ANKRD12: variants seen among roughly 807,000 people sequenced by gnomAD.
ANKRD12 encodes ankyrin repeat domain-containing protein 12.
ANKRD12 carries 85 observed loss-of-function variants against 183.4 expected under a neutral mutation model. The ratio of observed to expected loss-of-function variants is 0.46; its 90% CI spans 0.39 to 0.56. The LOEUF (loss-of-function observed/expected upper bound fraction) is 0.56, where lower values mean the gene tolerates loss of function less well. Ranked by LOEUF, ANKRD12 falls within the 20% of genes least tolerant of loss-of-function variation. ANKRD12 has a pLI of 0.00. For synonymous variants in ANKRD12, 914 were observed against 800.2 expected (o/e 1.14, Z -2.40); for missense variants, 2,405 against 2,357.1 (o/e 1.02, Z -0.42).
At chr18:9,265,712 G>A (rs774119228) in intron 10 of ANKRD12, among the ~76,000 whole-genome samples, 96 of 152,146 alleles carry the variant, frequency 6.3e-4, no homozygotes, top group African/African-American at 2.2e-3. Flanking sequence ...AAATCAGAGC[G>A]CCTCTCCTCC....
chr18:9,222,014 A>C lies in ANKRD12; in HGVS notation c.943+15A>C, dbSNP rs939124713. The C allele has an allele frequency of 1.9e-6, 3 of 1,611,878 alleles. No individual in the cohort carries two copies. In the East Asian group the frequency reaches 6.7e-5, roughly 36 times the overall value. On this transcript the variant is annotated intron_variant, in intron 8 of 12. Transcript: ENST00000262126. Reference sequence around the variant, plus strand: ...AAGTTACACAGGTTTGTTTCAGATAATCTACATTCATCTGTTCGTTTGACA... The same window carrying C: ...AAGTTACACAGGTTTGTTTCAGATACTCTACATTCATCTGTTCGTTTGACA...
At chr18:9,205,371 C>T (rs1226015007) in intron 4 of ANKRD12, among the ~76,000 whole-genome samples, 1 of 151,652 alleles carries the variant, frequency 6.6e-6, no homozygotes, top group African/African-American at 2.4e-5. Flanking sequence ...CAGCATATGA[C>T]ATTTAGTTAT....
chr18:9,222,045 T>C (rs1167221398), intron 8 of ANKRD12, 46 bp downstream of exon 8: 8 of 1,598,306 alleles, frequency 5.0e-6, no homozygotes, highest in East Asian at 2.2e-5. Flanking sequence ...TGACATGATA[T>C]TTGATAGAAC....
chr18:9,195,756 G>A, intron 3 of ANKRD12, 58 bp downstream of exon 3: 1 of 1,539,928 alleles, frequency 6.5e-7, no homozygotes, highest in Admixed American at 1.8e-5. Flanking sequence ...TCTGATTTTT[G>A]TTTCTTGTAC....
Position 9,284,041 on chromosome 18 carries a change from TTATACTA to T in ANKRD12, c.*2919_*2925del, listed in dbSNP as rs1423114649. The stretch of plus-strand genomic sequence containing the variant: ...TTCCCAGTGCATATAAAAGTTTTGT[TTATACTA>T]TATTAAGTGTGCAATAGCATTATGT... On this transcript the variant is annotated 3_prime_UTR_variant, in exon 13 of 13. Coordinates refer to ENST00000262126, the MANE Select transcript of ANKRD12 (RefSeq NM_015208.5). The T allele has an allele frequency of 2.0e-5, 3 of 152,218 alleles. No homozygotes were observed. Among genetic ancestry groups the T allele is most frequent in the Non-Finnish European group, 1.5e-5 (1 of 68,032 alleles). The allele number at this position is 152,218 out of a possible 1,614,324, so 9.4% of individuals were successfully genotyped here.
At chr18:9,266,201 T>A (rs2039282342) in intron 10 of ANKRD12, among the ~76,000 whole-genome samples, 1 of 152,162 alleles carries the variant, frequency 6.6e-6, no homozygotes, top group African/African-American at 2.4e-5. Context: ...TGCAGGATAT[T>A]ATCCAGGAGA....
intron 8 of ANKRD12, among the ~76,000 whole-genome samples, chr18:9,252,934 G>A (rs1283751380): frequency 6.6e-6 from 1 of 152,132 alleles, no homozygotes; most frequent in Non-Finnish European, 1.5e-5. Context: ...CCTAAAAAAA[G>A]TGCATATGTG....
At position 9,221,988 on chromosome 18, in the gene ANKRD12, A is replaced by G. The variant is rs1465645468; in HGVS notation, c.932A>G (p.Glu311Gly). 6.2e-7 allele frequency: 1 copy of G among 1,613,866 alleles called. No individual in the cohort carries two copies. The highest frequency in any genetic ancestry group is 8.5e-7 in the Non-Finnish European group (1 of 1,179,826). The change falls in exon 8 of 13, where the codon GAA (glutamate) becomes GGA (glycine). Residue 311 changes from glutamate (E) to glycine (G), a missense_variant. Physicochemically the swap from Glu to Gly is moderately conservative, Grantham distance 98 (BLOSUM62 -2). Around this residue, in one of 7 missense-constraint regions of ANKRD12, gnomAD observed 1,983 missense variants for 1,725.9 expected, o/e 1.15. Coordinates refer to ENST00000262126, the MANE Select transcript of ANKRD12 (RefSeq NM_015208.5). Reference sequence around the variant, plus strand: ...GAGGTGCCTTTATCTGATGATGATGAAAGTTACACAGGTTTGTTTCAGATA... The same window carrying G: ...GAGGTGCCTTTATCTGATGATGATGGAAGTTACACAGGTTTGTTTCAGATA... ...KREVPLSDDD[E>G]SYTDSEEAQS...
chr18:9,250,265 T>TATAA (rs1339531737), intron 8 of ANKRD12: 1 of 152,326 alleles, frequency 6.6e-6, no homozygotes, highest in Admixed American at 6.5e-5. Flanking sequence ...GAGTTCTTTA[T>TATAA]CATTGTTGGA....
chr18:9,280,040 TA>T (rs1236466727), intron 12 of ANKRD12, among the ~76,000 whole-genome samples: 4 of 152,198 alleles, frequency 2.6e-5, no homozygotes, highest in African/African-American at 9.7e-5. Flanking sequence ...TTTCTTTTGA[TA>T]ATTTGAAATC....
Position 9,258,734 on chromosome 18 carries a change from G to C in ANKRD12, c.5467G>C (p.Asp1823His). 6.2e-7 allele frequency: 1 copy of C among 1,613,814 alleles called. No homozygotes were observed. The highest frequency in any genetic ancestry group is 8.5e-7 in the Non-Finnish European group (1 of 1,179,900). The stretch of plus-strand genomic sequence containing the variant: ...AGCCATTGTAGATTCTCTAAAACTA[G>C]ATGAGATTCAGCCATACAGTTCAGA... The part of the protein sequence containing the change: ...LAAIVDSLKL[D>H]EIQPYSSERA... The change falls in exon 9 of 13, where the codon GAT becomes CAT. Residue 1823 changes from aspartate to histidine, a missense_variant. Around this residue, in one of 7 missense-constraint regions of ANKRD12, gnomAD observed 1,983 missense variants for 1,725.9 expected, o/e 1.15. Transcript: ENST00000262126.
intron 8 of ANKRD12, among the ~76,000 whole-genome samples, chr18:9,240,443 G>T (rs1238685470): frequency 2.0e-5 from 3 of 152,144 alleles, no homozygotes; most frequent in Non-Finnish European, 4.4e-5. Context: ...CAGAAAACCA[G>T]ATCTTGCTCA....
intron 4 of ANKRD12, 126 bp downstream of exon 4, chr18:9,204,670 A>G: frequency 1.5e-6 from 1 of 683,296 alleles, no homozygotes; most frequent in South Asian, 2.2e-5. Context: ...TAAATGAACT[A>G]CGTGGGTGAC....
chr18:9,272,796 T>C (rs190161382), intron 10 of ANKRD12, among the ~76,000 whole-genome samples: 1 of 152,320 alleles, frequency 6.6e-6, no homozygotes, highest in Non-Finnish European at 1.5e-5. Flanking sequence ...GTTTGTCATA[T>C]AAGAATTAAG....
rs779771836 is a variant in ANKRD12, at chr18:9,275,586, A to G, written c.5826A>G (p.Thr1942=). 42 of 1,612,024 alleles carry G rather than the reference A, an allele frequency of 2.6e-5. No homozygotes were observed. Among genetic ancestry groups the G allele is most frequent in the Non-Finnish European group, 3.5e-5 (41 of 1,178,384 alleles). ...GAGTTCATTACAGAGCTGCAAGAACATTGGCAAATCAAACACTGCCATTTA... is the reference window on the plus strand; with the variant it reads ...GAGTTCATTACAGAGCTGCAAGAACGTTGGCAAATCAAACACTGCCATTTA... ...VLRVHYRAAR[T]LANQTLPFSA... The change falls in exon 11 of 13, where the codon ACA becomes ACG. Residue 1942 remains threonine (T), a synonymous_variant. Coordinates refer to ENST00000262126, the MANE Select transcript of ANKRD12 (RefSeq NM_015208.5).
At chr18:9,157,573 G>GTATATATATA in intron 1 of ANKRD12, among the ~76,000 whole-genome samples, 1 of 112,160 alleles carries the variant, frequency 8.9e-6, no homozygotes, top group Non-Finnish European at 1.8e-5. Flanking sequence ...GTGTGTGTGT[G>GTATATATATA]TGTGTGTGTG....
At chr18:9,230,164 C>A (rs963482212) in intron 8 of ANKRD12, among the ~76,000 whole-genome samples, 2 of 152,262 alleles carry the variant, frequency 1.3e-5, no homozygotes, top group Middle Eastern at 3.4e-3. Flanking sequence ...CTTTTTATTA[C>A]TGAATTGGTC....
chr18:9,229,789 T>C (rs951320470), intron 8 of ANKRD12, among the ~76,000 whole-genome samples: 4 of 152,230 alleles, frequency 2.6e-5, no homozygotes, highest in African/African-American at 9.6e-5. Context: ...TTGCATATTT[T>C]GAACCATGCT....
chr18:9,216,609 ATTTAT>A (rs2036122496), intron 6 of ANKRD12, 144 bp from the exon 7 acceptor site: 1 of 718,080 alleles, frequency 1.4e-6, no homozygotes, highest in African/African-American at 1.8e-5. Context: ...TATTGTTCTT[ATTTAT>A]TTTTAGTAGC....
Sources: allele counts gnomAD v4.1 joint callset (sites outside exome capture counted in the v4.1 genomes callset), GRCh38; gene constraint gnomAD v4.1.1; regional missense constraint gnomAD v4.1.1; transcripts MANE v1.5; gene names NCBI Gene and HGNC (gene_info 2026-07-23, HGNC 2026-07-21).